JAZF1: variants seen among roughly 807,000 people sequenced by gnomAD.
JAZF1 encodes juxtaposed with another zinc finger protein 1.
Under a neutral mutation model 26.4 loss-of-function variants are expected in JAZF1, and 8 were observed. That is an observed-to-expected ratio of 0.30 (90% CI 0.18 to 0.55). The LOEUF (loss-of-function observed/expected upper bound fraction) is 0.55. Among genes scored for constraint, JAZF1 ranks in the 20% least tolerant of loss-of-function variants. JAZF1 has a pLI of 0.94. For missense variants in JAZF1, 199 were observed against 322.0 expected, an observed-to-expected ratio of 0.62 and a Z score of 2.92; for synonymous variants, 126 against 122.3, an observed-to-expected ratio of 1.03 and a Z score of -0.20.
chr7:27,969,376 T>G (rs569027998), intron 2 of JAZF1, among the ~76,000 whole-genome samples: 1 of 152,092 alleles, frequency 6.6e-6, no homozygotes, highest in Admixed American at 6.6e-5. Context: ...CAGGGCCATG[T>G]TGTCACCTAA....
At chr7:28,042,810 T>C (rs1340480881) in intron 1 of JAZF1, among the ~76,000 whole-genome samples, 1 of 152,170 alleles carries the variant, frequency 6.6e-6, no homozygotes, top group East Asian at 1.9e-4. Flanking sequence ...CTAGAAGCAA[T>C]AGGCTATAGC....
At chr7:28,040,861 C>T (rs1345783328) in intron 1 of JAZF1, among the ~76,000 whole-genome samples, 1 of 152,040 alleles carries the variant, frequency 6.6e-6, no homozygotes, top group Non-Finnish European at 1.5e-5. Flanking sequence ...AAGCTTTATC[C>T]CAAGAATCAC....
intron 2 of JAZF1, among the ~76,000 whole-genome samples, chr7:27,934,156 G>A (rs1385654255): frequency 2.0e-5 from 3 of 152,174 alleles, no homozygotes; most frequent in African/African-American, 7.2e-5. Flanking sequence ...TTGTTAGTCA[G>A]GGTGCACATT....
intron 1 of JAZF1, among the ~76,000 whole-genome samples, chr7:28,131,476 A>G (rs1454960036): frequency 6.6e-6 from 1 of 152,168 alleles, no homozygotes; most frequent in Admixed American, 6.5e-5. Context: ...CACGATATGC[A>G]CTAGATGACT....
chr7:27,884,654 T>C (rs1341806879), intron 3 of JAZF1, among the ~76,000 whole-genome samples: 3 of 152,244 alleles, frequency 2.0e-5, no homozygotes, highest in African/African-American at 4.8e-5. Flanking sequence ...CATAATGTTT[T>C]TGAGATTCAT....
intron 1 of JAZF1, among the ~76,000 whole-genome samples, chr7:28,140,486 T>C (rs1380478248): frequency 6.6e-6 from 1 of 152,098 alleles, no homozygotes; most frequent in South Asian, 2.1e-4. Flanking sequence ...ACTACAGTAT[T>C]TTTACTGCAG....
At chr7:28,065,724 T>C (rs1300661623) in intron 1 of JAZF1, among the ~76,000 whole-genome samples, 1 of 152,214 alleles carries the variant, frequency 6.6e-6, no homozygotes, top group Non-Finnish European at 1.5e-5. Context: ...ATGCCTTTTC[T>C]TTTTCTTTCC....
chr7:28,135,849 A>G (rs1034589949), intron 1 of JAZF1, among the ~76,000 whole-genome samples: 2 of 152,184 alleles, frequency 1.3e-5, no homozygotes, highest in African/African-American at 4.8e-5. Flanking sequence ...GTTTGTATCT[A>G]TGTAACTAGG....
At chr7:28,120,498 G>GTTTTTT (rs1345204155) in intron 1 of JAZF1, among the ~76,000 whole-genome samples, 10 of 41,070 alleles carry the variant, frequency 2.4e-4, no homozygotes, top group African/African-American at 5.1e-4. Context: ...GCCACACACA[G>GTTTTTT]TTCTTTTTTT....
In JAZF1 at chr7:28,015,692, G is replaced by A. The variant is rs573978830; in HGVS notation, c.116-23711C>T. 1.4e-4 allele frequency among the ~76,000 whole-genome samples: 21 copies of A among 152,152 alleles called. No homozygotes were observed. The East Asian group carries it at 3.5e-3, about 25-fold the overall frequency. ...TCAGACACTGTTTTGTCTTTTCTCC[G>A]GAAAAGGACTGGCATGTGTTTAGAT... On this transcript the variant is annotated intron_variant, in intron 1 of 4. Transcript: ENST00000283928.
chr7:27,962,590 T>A (rs577380591), intron 2 of JAZF1, among the ~76,000 whole-genome samples: 1 of 152,304 alleles, frequency 6.6e-6, no homozygotes, highest in African/African-American at 2.4e-5. Context: ...ATATTTGGAA[T>A]CCCATATTGA....
chr7:28,090,107 C>T (rs145182346), intron 1 of JAZF1, among the ~76,000 whole-genome samples: 11 of 152,362 alleles, frequency 7.2e-5, no homozygotes, highest in Non-Finnish European at 1.3e-4. Context: ...CCAATATCCA[C>T]TGTAGATACT....
chr7:27,929,740 G>C (rs1784655893), intron 2 of JAZF1, among the ~76,000 whole-genome samples: 2 of 152,172 alleles, frequency 1.3e-5, no homozygotes, highest in Non-Finnish European at 2.9e-5. Flanking sequence ...GCAAAGCGCA[G>C]AGTGAAGCCA....
chr7:27,990,056 T>C (rs1785866151), intron 2 of JAZF1, among the ~76,000 whole-genome samples: 1 of 152,188 alleles, frequency 6.6e-6, no homozygotes, highest in Non-Finnish European at 1.5e-5. Context: ...AGTGATAGAC[T>C]GGATTAAGAA....
chr7:28,102,764 T>C lies in JAZF1; in HGVS notation c.115+77699A>G, dbSNP rs1031518820. Reference sequence around the variant, plus strand: ...ATAGTGAGCATACACTCCATAGTTATATAAAAATATGAGAAATCAAAATTT... The same window carrying C: ...ATAGTGAGCATACACTCCATAGTTACATAAAAATATGAGAAATCAAAATTT... On this transcript the variant is annotated intron_variant, in intron 1 of 4. Coordinates refer to ENST00000283928, the MANE Select transcript of JAZF1 (RefSeq NM_175061.4). Among the ~76,000 whole-genome samples, 15 of 152,368 alleles carry C rather than the reference T, an allele frequency of 9.8e-5. No homozygotes were observed. In the South Asian group the frequency reaches 1.0e-3, roughly 11 times the overall value.
At chr7:28,068,554 A>G (rs1169465576) in intron 1 of JAZF1, among the ~76,000 whole-genome samples, 1 of 152,176 alleles carries the variant, frequency 6.6e-6, no homozygotes. Flanking sequence ...ATTTGACTCT[A>G]CTGACAAATT....
At chr7:28,079,825 CT>C (rs1395287956) in intron 1 of JAZF1, among the ~76,000 whole-genome samples, 1 of 152,330 alleles carries the variant, frequency 6.6e-6, no homozygotes, top group East Asian at 1.9e-4. Flanking sequence ...ACGAACCCTG[CT>C]GATTGTTCAG....
chr7:27,940,840 C>T (rs1784836399), intron 2 of JAZF1, among the ~76,000 whole-genome samples: 1 of 152,216 alleles, frequency 6.6e-6, no homozygotes, highest in African/African-American at 2.4e-5. Context: ...TTACTGTATT[C>T]ATAAATACTA....
intron 2 of JAZF1, among the ~76,000 whole-genome samples, chr7:27,912,966 C>T (rs568794546): frequency 4.7e-4 from 71 of 152,212 alleles, no homozygotes; most frequent in African/African-American, 9.6e-4. Flanking sequence ...GCCTCATTTA[C>T]GCAATTAACC....
Sources: gnomAD v4.1 joint callset for allele counts (sites outside exome capture counted in the v4.1 genomes callset) on GRCh38, gnomAD v4.1.1 for gene constraint, MANE v1.5 for transcripts, NCBI Gene and HGNC (gene_info 2026-07-23, HGNC 2026-07-21) for gene names.